Variants in NR5A2 observed in about 807,000 individuals in gnomAD.
NR5A2 encodes the protein nuclear receptor subfamily 5 group A member 2.
A neutral mutation model predicts 62.7 loss-of-function variants in NR5A2; 26 were observed. The ratio of observed to expected loss-of-function variants is 0.41; its 90% CI spans 0.30 to 0.58. NR5A2 has a LOEUF of 0.58. NR5A2 is among the 20% of genes least tolerant of loss of function. The pLI is 0.22. For synonymous variants in NR5A2, 246 were observed against 241.7 expected, an observed-to-expected ratio of 1.02 and a Z score of -0.16; for missense variants, 541 against 669.1, an observed-to-expected ratio of 0.81 and a Z score of 2.11.
intron 5 of NR5A2, among the ~76,000 whole-genome samples, chr1:200,061,120 CAAAA>C (rs34729240): frequency 9.3e-5 from 7 of 75,400 alleles, no homozygotes; most frequent in Non-Finnish European, 1.4e-4. Context: ...AACTCCGTCT[CAAAA>C]AAAAAAAAAA....
chr1:200,121,031 C>A, intron 7 of NR5A2, 76 bp downstream of exon 7: 1 of 1,517,820 alleles, frequency 6.6e-7, no homozygotes, highest in South Asian at 1.2e-5. Context: ...TCTTGTGGTC[C>A]ATGTATGTTT....
intron 1 of NR5A2, among the ~76,000 whole-genome samples, chr1:200,035,178 A>G (rs1021998131): frequency 6.6e-6 from 1 of 152,166 alleles, no homozygotes; most frequent in African/African-American, 2.4e-5. Flanking sequence ...AAAAAAATCT[A>G]GACTTCTTTC....
intron 1 of NR5A2, among the ~76,000 whole-genome samples, chr1:200,031,160 T>G (rs1479387475): frequency 6.6e-6 from 1 of 152,126 alleles, no homozygotes; most frequent in Non-Finnish European, 1.5e-5. Context: ...AAACAGTGCT[T>G]CTCAGATTCC....
intron 6 of NR5A2, among the ~76,000 whole-genome samples, chr1:200,118,969 C>T (rs564943691): frequency 1.3e-5 from 2 of 152,182 alleles, no homozygotes; most frequent in East Asian, 1.9e-4. Context: ...AAATTTAGTG[C>T]GTAGATGCCA....
intron 5 of NR5A2, among the ~76,000 whole-genome samples, chr1:200,076,364 T>C (rs1209595922): frequency 6.6e-6 from 1 of 152,172 alleles, no homozygotes; most frequent in African/African-American, 2.4e-5. Context: ...GACAATGCCA[T>C]TTGTTGTCAC....
chr1:200,171,909 T>C (rs1263842938), intron 7 of NR5A2, among the ~76,000 whole-genome samples: 4 of 152,220 alleles, frequency 2.6e-5, no homozygotes, highest in Admixed American at 2.6e-4. Context: ...CAGAGCAGCA[T>C]AGTTTATCAC....
In NR5A2 at chr1:200,043,913, C is replaced by T. The variant is rs746222974; in HGVS notation, c.321+21C>T. ...GCAAGGTTTGCTCACACATTGCTAC[C>T]TGAAAAATATAATGTCCAACACCAA... On this transcript the variant is annotated intron_variant, in intron 3 of 7. Transcript: ENST00000367362. 111 of 1,474,340 alleles carry T rather than the reference C, an allele frequency of 7.5e-5. 1 individual carries two copies. The Middle Eastern group carries it at 4.0e-3, about 53-fold the overall frequency. The allele number at this position is 1,474,340 out of a possible 1,614,324, so 91.3% of individuals were successfully genotyped here. A position where few individuals can be genotyped will look rare whatever the true frequency, so the allele number is the denominator to read the frequency against.
chr1:200,051,531 A>G (rs1662632948), intron 5 of NR5A2, among the ~76,000 whole-genome samples: 1 of 152,226 alleles, frequency 6.6e-6, no homozygotes. Context: ...AATACGAAAA[A>G]AGGAAAAGGG....
chr1:200,069,904 G>A (rs1275959958), intron 5 of NR5A2, among the ~76,000 whole-genome samples: 2 of 152,068 alleles, frequency 1.3e-5, no homozygotes, highest in Non-Finnish European at 2.9e-5. Context: ...TTATCTCTAA[G>A]ATGAACTCCA....
chr1:200,053,192 G>A (rs947854085), intron 5 of NR5A2, among the ~76,000 whole-genome samples: 1 of 152,122 alleles, frequency 6.6e-6, no homozygotes, highest in African/African-American at 2.4e-5. Context: ...AAGATGAAAG[G>A]GAAAAGGGCT....
chr1:200,105,026 A>G (rs1454762736), intron 5 of NR5A2, among the ~76,000 whole-genome samples: 1 of 151,466 alleles, frequency 6.6e-6, no homozygotes, highest in Non-Finnish European at 1.5e-5. Context: ...TGGCATGGTC[A>G]TGGCTTACTG....
intron 7 of NR5A2, among the ~76,000 whole-genome samples, chr1:200,149,097 G>C (rs146421374): frequency 5.9e-5 from 9 of 152,026 alleles, no homozygotes; most frequent in Middle Eastern, 3.2e-3. Context: ...ATTTTTAGTA[G>C]AGACAGGGTT....
At chr1:200,119,689 C>T (rs1412981284) in intron 6 of NR5A2, among the ~76,000 whole-genome samples, 1 of 152,068 alleles carries the variant, frequency 6.6e-6, no homozygotes, top group Admixed American at 6.5e-5. Context: ...TGCAATGGCA[C>T]GATCTTGGCT....
At chr1:200,158,630 A>G (rs970536469) in intron 7 of NR5A2, among the ~76,000 whole-genome samples, 1 of 152,148 alleles carries the variant, frequency 6.6e-6, no homozygotes, top group Non-Finnish European at 1.5e-5. Context: ...AAGTCTCACT[A>G]TGTCACCCAG....
chr1:200,059,879 C>A (rs1471126440), intron 5 of NR5A2, among the ~76,000 whole-genome samples: 2 of 152,162 alleles, frequency 1.3e-5, no homozygotes, highest in African/African-American at 2.4e-5. Flanking sequence ...TTAAACTATT[C>A]TTCACGTTAA....
At chr1:200,036,164 A>G (rs988865650) in intron 1 of NR5A2, among the ~76,000 whole-genome samples, 14 of 152,082 alleles carry the variant, frequency 9.2e-5, no homozygotes, top group Admixed American at 3.9e-4. Context: ...ACCCGGTTCC[A>G]CCTACTTACA....
chr1:200,036,476 A>G (rs1266103534), intron 1 of NR5A2, among the ~76,000 whole-genome samples: 2 of 152,212 alleles, frequency 1.3e-5, no homozygotes, highest in East Asian at 3.9e-4. Context: ...CTTGGAGGGC[A>G]GTAATGAGCT....
intron 5 of NR5A2, chr1:200,057,409 A>G (rs1662965360): frequency 4.8e-6 from 1 of 206,242 alleles, no homozygotes; most frequent in Non-Finnish European, 9.9e-6. Context: ...TCTGTGGAGG[A>G]TACGTCCGTC....
rs66507419 is a variant in NR5A2 at position 200,130,278 on chromosome 1, GGAA to G, written c.1378+9366_1378+9368del. Among the ~76,000 whole-genome samples, 515 of 106,510 alleles carry G rather than the reference GGAA, an allele frequency of 4.8e-3. 2 individuals are homozygous for G. The highest frequency in any genetic ancestry group is 0.01 in the African/African-American group (350 of 34,516). 69.9% of individuals were successfully genotyped at this position (106,510 alleles called of 152,430 possible). On this transcript the variant is annotated intron_variant, in intron 7 of 7. Coordinates refer to ENST00000367362, the MANE Select transcript of NR5A2 (RefSeq NM_205860.3). ...GAGATCTGCTTGCAGGAACTAACTA[GGAA>G]GAAGAAGAAGAAGAAGAAGAAGAAG...
Sources: gnomAD v4.1 joint callset for allele counts (sites outside exome capture counted in the v4.1 genomes callset) on GRCh38, gnomAD v4.1.1 for gene constraint, MANE v1.5 for transcripts, NCBI Gene and HGNC (gene_info 2026-07-23, HGNC 2026-07-21) for gene names.